SAMD12: variants seen among roughly 807,000 people sequenced by gnomAD.
The protein encoded by SAMD12 is sterile alpha motif domain containing 12.
Under a neutral mutation model 15.0 loss-of-function variants are expected in SAMD12, and 9 were observed. The ratio of observed to expected loss-of-function variants is 0.60; its 90% CI spans 0.36 to 1.05. The LOEUF (loss-of-function observed/expected upper bound fraction) is 1.05, where lower values mean the gene tolerates loss of function less well. Ranked by LOEUF, SAMD12 falls within the 50% of genes least tolerant of loss-of-function variation. SAMD12 has a pLI of 0.01. For missense variants in SAMD12, 230 were observed against 234.2 expected (o/e 0.98, Z 0.12); for synonymous variants, 86 against 90.1 (o/e 0.96, Z 0.25).
chr8:118,470,009 A>G (rs1193562617), intron 2 of SAMD12, among the ~76,000 whole-genome samples: 1 of 152,188 alleles, frequency 6.6e-6, no homozygotes, highest in South Asian at 2.1e-4. Flanking sequence ...ACATACATAT[A>G]TATGTATATA....
chr8:118,165,650 A>ATGTATAT, the SAMD12 span, among the ~76,000 whole-genome samples: 1 of 146,246 alleles, frequency 6.8e-6, no homozygotes. Context: ...ATATATATAT[A>ATGTATAT]AAACATAACA....
chr8:118,311,245 G>GA (rs1297494937), intron 4 of SAMD12, among the ~76,000 whole-genome samples: 2 of 152,024 alleles, frequency 1.3e-5, no homozygotes, highest in East Asian at 1.9e-4. Flanking sequence ...GATTTCTGAA[G>GA]AAAAAAAATG....
chr8:118,318,957 C>A (rs995384721), intron 4 of SAMD12, among the ~76,000 whole-genome samples: 17 of 151,938 alleles, frequency 1.1e-4, no homozygotes, highest in African/African-American at 3.6e-4. Context: ...TTTGTCAGGG[C>A]AAGGGGCTAC....
intron 1 of SAMD12, among the ~76,000 whole-genome samples, chr8:118,596,785 T>C (rs1451576713): frequency 6.6e-6 from 1 of 152,144 alleles, no homozygotes. Context: ...AATTAGTGAG[T>C]AAATCAGATG....
chr8:118,558,704 G>T (rs546648054), intron 2 of SAMD12, among the ~76,000 whole-genome samples: 1 of 152,056 alleles, frequency 6.6e-6, no homozygotes, highest in African/African-American at 2.4e-5. Context: ...GACTACAGGC[G>T]CGTGCCACCA....
At chr8:118,452,432 T>A (rs538097926) in intron 2 of SAMD12, among the ~76,000 whole-genome samples, 4 of 152,202 alleles carry the variant, frequency 2.6e-5, no homozygotes, top group Non-Finnish European at 5.9e-5. Context: ...CATATTCTTA[T>A]ACATTTGTAT....
the SAMD12 span, among the ~76,000 whole-genome samples, chr8:118,144,398 A>G: frequency 6.6e-6 from 1 of 152,266 alleles, no homozygotes. Context: ...CCCCACTGAG[A>G]GAGTTCATGG....
chr8:118,221,318 G>A (rs1025550375), intron 4 of SAMD12, among the ~76,000 whole-genome samples: 1 of 152,150 alleles, frequency 6.6e-6, no homozygotes, highest in Non-Finnish European at 1.5e-5. Context: ...TGGAAAACGT[G>A]TTGGAAACCG....
At position 118,424,684 on chromosome 8, in the gene SAMD12, ATAGT is replaced by A. The variant is rs571137094; in HGVS notation, c.322+15144_322+15147del. ...GGATCTTGGCCAAGATCTCTTGAAGATAGTTGTGTTTTACTGAAACAGTGCCACA... is the reference window on the plus strand; with the variant it reads ...GGATCTTGGCCAAGATCTCTTGAAGATGTGTTTTACTGAAACAGTGCCACA... On this transcript the variant is annotated intron_variant, in intron 3 of 3. Transcript: ENST00000314727. Among the ~76,000 whole-genome samples the A allele has an allele frequency of 2.8e-4, 43 of 152,328 alleles. 2 individuals are homozygous for A. In the South Asian group the frequency reaches 8.7e-3, roughly 31 times the overall value.
At chr8:118,254,425 C>T (rs115881827) in intron 4 of SAMD12, among the ~76,000 whole-genome samples, 165 of 152,184 alleles carry the variant, frequency 1.1e-3, no homozygotes, top group African/African-American at 3.8e-3. Context: ...ATTCATGCCG[C>T]GTAGAAAGAC....
chr8:118,460,046 C>A (rs1445216514), intron 2 of SAMD12, among the ~76,000 whole-genome samples: 1 of 152,208 alleles, frequency 6.6e-6, no homozygotes, highest in Non-Finnish European at 1.5e-5. Context: ...CACTTCCTAT[C>A]ACAACTACAC....
At chr8:118,182,843 A>G in the SAMD12 span, among the ~76,000 whole-genome samples, 1 of 152,262 alleles carries the variant, frequency 6.6e-6, no homozygotes, top group African/African-American at 2.4e-5. Flanking sequence ...ACGGTGTTTG[A>G]AAGAACAGGT....
intron 4 of SAMD12, among the ~76,000 whole-genome samples, chr8:118,221,310 GA>G (rs1812076765): frequency 6.6e-6 from 1 of 152,188 alleles, no homozygotes; most frequent in Non-Finnish European, 1.5e-5. Flanking sequence ...TAGTAGTGTG[GA>G]AAACGTGTTG....
intron 1 of SAMD12, among the ~76,000 whole-genome samples, chr8:118,608,292 G>A (rs536336589): frequency 4.6e-5 from 7 of 151,576 alleles, no homozygotes; most frequent in South Asian, 2.1e-4. Context: ...TGTGCATCTC[G>A]CCACACTGAC....
chr8:118,393,929 A>G (rs956588355), intron 3 of SAMD12, among the ~76,000 whole-genome samples: 4 of 152,164 alleles, frequency 2.6e-5, no homozygotes, highest in Non-Finnish European at 5.9e-5. Context: ...AAGGATCACA[A>G]AGCCCATAAC....
intron 2 of SAMD12, among the ~76,000 whole-genome samples, chr8:118,458,082 A>G (rs1823312937): frequency 6.6e-6 from 1 of 152,216 alleles, no homozygotes; most frequent in African/African-American, 2.4e-5. Context: ...TTTGACAAAC[A>G]TCACCCAGAG....
chr8:118,390,460 T>C (rs1820214353), intron 3 of SAMD12, among the ~76,000 whole-genome samples: 1 of 152,172 alleles, frequency 6.6e-6, no homozygotes. Flanking sequence ...TCTAAATCAA[T>C]AGCCAACCAA....
intron 3 of SAMD12, among the ~76,000 whole-genome samples, chr8:118,428,578 T>A (rs1337542555): frequency 4.6e-5 from 7 of 152,166 alleles, no homozygotes; most frequent in Admixed American, 3.3e-4. Context: ...TAAATTTAGG[T>A]CCATTATTTA....
chr8:118,200,403 CA>C (rs35465667), intron 4 of SAMD12, among the ~76,000 whole-genome samples: 65,575 of 113,714 alleles, frequency 0.58, 17,952 homozygotes, highest in Middle Eastern at 0.65. Flanking sequence ...ATTAGAGTAC[CA>C]AAAAAAAAAA....
Sources: allele counts gnomAD v4.1 joint callset (sites outside exome capture counted in the v4.1 genomes callset), GRCh38; gene constraint gnomAD v4.1.1; transcripts MANE v1.5; gene names NCBI Gene and HGNC (gene_info 2026-07-23, HGNC 2026-07-21).